Variants in CP observed in about 807,000 individuals in gnomAD.
CP encodes ceruloplasmin, also known as caeruloplasmin.
CP carries 64 observed loss-of-function variants against 122.4 expected under a neutral mutation model. That is an observed-to-expected ratio of 0.52 (90% CI 0.43 to 0.64). The LOEUF (loss-of-function observed/expected upper bound fraction) is 0.64. CP is among the 30% of genes least tolerant of loss of function. The pLI is 0.00. For synonymous variants in CP, 440 were observed against 436.4 expected (o/e 1.01, Z -0.10); for missense variants, 1,167 against 1,284.4 (o/e 0.91, Z 1.40).
Position 149,217,046 on chromosome 3 carries a change from G to A in CP, c.147-4348C>T, listed in dbSNP as rs1395160521. ...CTCCTGAGTAGCTGGGACTACAGGC[G>A]CACGCCACCACACCTAGCTAATTTT... On this transcript the variant is annotated intron_variant, in intron 1 of 18. Transcript: ENST00000264613. 6.6e-5 allele frequency among the ~76,000 whole-genome samples: 10 copies of A among 151,774 alleles called. 1 individual carries two copies. The highest frequency in any genetic ancestry group is 1.3e-4 in the Admixed American group (2 of 15,210).
chr3:149,213,989 A>T (rs1424519310), intron 1 of CP, among the ~76,000 whole-genome samples: 1 of 152,182 alleles, frequency 6.6e-6, no homozygotes, highest in Non-Finnish European at 1.5e-5. Flanking sequence ...ACACAACTCC[A>T]TTGATTCTGA....
At chr3:149,204,019 G>A (rs148493599) in intron 6 of CP, among the ~76,000 whole-genome samples, 1 of 152,300 alleles carries the variant, frequency 6.6e-6, no homozygotes, top group African/African-American at 2.4e-5. Flanking sequence ...TAGGGCAGGT[G>A]TATACAAAGA....
At chr3:149,205,189 A>T (rs912558435) in intron 6 of CP, among the ~76,000 whole-genome samples, 4 of 141,704 alleles carry the variant, frequency 2.8e-5, no homozygotes, top group East Asian at 2.0e-4. Context: ...GGTTATTATT[A>T]AAAAAAAAAA....
rs1728701269 is a variant in CP at position 149,219,933 on chromosome 3, G to A, written c.146+1714C>T. Among the ~76,000 whole-genome samples, 4 of 151,942 alleles carry A rather than the reference G, an allele frequency of 2.6e-5. No homozygotes were observed. In the South Asian group the frequency reaches 8.3e-4, roughly 32 times the overall value. ...CCTTTGCCTTCCACCATGATTGTGA[G>A]GCCTCCCCAGTCATGTGGAACTGTG... On this transcript the variant is annotated intron_variant, in intron 1 of 18. Transcript: ENST00000264613.
chr3:149,212,307 AT>A (rs1311302312), intron 2 of CP, 143 bp downstream of exon 2: 124 of 857,842 alleles, frequency 1.4e-4, no homozygotes, highest in East Asian at 5.7e-4. Context: ...GTCAAAAAAA[AT>A]TAAAAAAAAA....
chr3:149,201,676 C>T (rs891838407), intron 7 of CP, among the ~76,000 whole-genome samples: 3 of 152,056 alleles, frequency 2.0e-5, no homozygotes, highest in African/African-American at 4.8e-5. Context: ...CTGCAACCTC[C>T]GCCTCCCGGG....
chr3:149,209,883 C>T (rs901012551), intron 3 of CP, among the ~76,000 whole-genome samples: 1 of 152,146 alleles, frequency 6.6e-6, no homozygotes, highest in African/African-American at 2.4e-5. Flanking sequence ...AGTCATATGT[C>T]TCTTCAGCAC....
rs990978653 is a variant in CP at position 149,212,704 on chromosome 3, A to G, written c.147-6T>C. 6.2e-7 allele frequency: 1 copy of G among 1,612,968 alleles called. No individual in the cohort carries two copies. The highest frequency in any genetic ancestry group is 8.5e-7 in the Non-Finnish European group (1 of 1,179,836). On this transcript the variant is annotated splice_region_variant and splice_polypyrimidine_tract_variant and intron_variant, in intron 1 of 18. Coordinates refer to ENST00000264613, the MANE Select transcript of CP (RefSeq NM_000096.4). ...GATAGATATTGGAATGTTCCCTGCA[A>G]AGAAAAACAAGACAACTCTATCAGA...
At chr3:149,184,518 A>G (rs545386191) in intron 12 of CP, among the ~76,000 whole-genome samples, 3 of 152,218 alleles carry the variant, frequency 2.0e-5, no homozygotes, top group African/African-American at 7.2e-5. Flanking sequence ...GCCCACCCCA[A>G]TCTCTCAGAT....
At chr3:149,192,981 T>C (rs1576752264) in intron 9 of CP, among the ~76,000 whole-genome samples, 3 of 148,704 alleles carry the variant, frequency 2.0e-5, no homozygotes, top group South Asian at 2.1e-4. Context: ...TGATCCTGTA[T>C]ACACACACAC....
chr3:149,163,809 A>G (rs780734788), intron 5 of CP: 1 of 1,166,410 alleles, frequency 8.6e-7, no homozygotes, highest in Non-Finnish European at 1.3e-6. Flanking sequence ...TTGTTGTTAT[A>G]TTTTGTTTAT....
At chr3:149,177,175 G>A (rs1421470885) in intron 17 of CP, among the ~76,000 whole-genome samples, 1 of 152,122 alleles carries the variant, frequency 6.6e-6, no homozygotes, top group Non-Finnish European at 1.5e-5. Flanking sequence ...GGCCATTTAA[G>A]ATACAGAACT....
chr3:149,206,107 T>G, intron 6 of CP, 61 bp downstream of exon 6: 1 of 1,512,384 alleles, frequency 6.6e-7, no homozygotes, highest in East Asian at 2.3e-5. Context: ...ATTAGCCTTT[T>G]GTAGTTCCTT....
chr3:149,213,044 T>G (rs1292311360), intron 1 of CP, among the ~76,000 whole-genome samples: 2 of 152,208 alleles, frequency 1.3e-5, no homozygotes, highest in East Asian at 3.8e-4. Flanking sequence ...AATATTAAAA[T>G]AAAGCAGTTA....
chr3:149,189,780 C>T (rs1294155315), intron 9 of CP, among the ~76,000 whole-genome samples: 3 of 151,918 alleles, frequency 2.0e-5, no homozygotes, highest in Non-Finnish European at 2.9e-5. Flanking sequence ...ACAGAGAAAA[C>T]GTCAATGAAA....
At chr3:149,195,995 C>T (rs568975014) in intron 9 of CP, among the ~76,000 whole-genome samples, 1 of 151,940 alleles carries the variant, frequency 6.6e-6, no homozygotes, top group African/African-American at 2.4e-5. Context: ...AATGAATTAA[C>T]CCGTATATCC....
In CP at chr3:149,207,727, TGC is replaced by T. The variant is rs1441308451; in HGVS notation, c.782-112_782-111del. 6.2e-6 allele frequency: 7 copies of T among 1,121,268 alleles called. No homozygotes were observed. In the African/African-American group the frequency reaches 9.2e-5, roughly 15 times the overall value. 69.5% of individuals were successfully genotyped at this position (1,121,268 alleles called of 1,614,324 possible). A position where few individuals can be genotyped will look rare whatever the true frequency, so the allele number is the denominator to read the frequency against. On this transcript the variant is annotated intron_variant, in intron 4 of 18. Coordinates refer to ENST00000264613, the MANE Select transcript of CP (RefSeq NM_000096.4). The stretch of plus-strand genomic sequence containing the variant: ...TGGAATGGCAAATATCTGGCACACA[TGC>T]TGGTATTCTTGCCCCCTATACTCAT...
At chr3:149,206,007 C>A (rs527610771) in intron 6 of CP, among the ~76,000 whole-genome samples, 161 bp downstream of exon 6, 1 of 152,316 alleles carries the variant, frequency 6.6e-6, no homozygotes, top group Admixed American at 6.5e-5. Context: ...TCATAGTTCT[C>A]AAGCTCAGAC....
At chr3:149,165,062 T>C (rs1007964220) in intron 5 of CP, among the ~76,000 whole-genome samples, 58 of 152,208 alleles carry the variant, frequency 3.8e-4, no homozygotes, top group African/African-American at 1.4e-3. Flanking sequence ...ATTTATGTGC[T>C]TCTTTAAAAA....
Sources: allele counts gnomAD v4.1 joint callset (sites outside exome capture counted in the v4.1 genomes callset), GRCh38; gene constraint gnomAD v4.1.1; transcripts MANE v1.5; gene names NCBI Gene and HGNC (gene_info 2026-07-23, HGNC 2026-07-21).